The following TWSG1 variants were observed in gnomAD, a reference collection of about 807,000 sequenced individuals.
TWSG1 encodes the protein twisted gastrulation BMP signaling modulator 1.
Under a neutral mutation model 23.0 loss-of-function variants are expected in TWSG1, and 15 were observed. The ratio of observed to expected loss-of-function variants is 0.65; its 90% confidence interval spans 0.44 to 1.00. The LOEUF is 1.00. Ranked by LOEUF, TWSG1 falls within the 50% of genes least tolerant of loss-of-function variation. The pLI is 0.00. For missense variants in TWSG1, 242 were observed against 278.7 expected (o/e 0.87, Z 0.94); for synonymous variants, 86 against 92.8 (o/e 0.93, Z 0.42).
chr18:9,339,597 G>A (rs749166876), intron 2 of TWSG1, among the ~76,000 whole-genome samples: 1 of 152,010 alleles, frequency 6.6e-6, no homozygotes, highest in Non-Finnish European at 1.5e-5. Context: ...TGGGATTACA[G>A]GTGTGAGTCA....
At chr18:9,362,822 A>T (rs1444675248) in intron 3 of TWSG1, among the ~76,000 whole-genome samples, 1 of 152,212 alleles carries the variant, frequency 6.6e-6, no homozygotes, top group African/African-American at 2.4e-5. Flanking sequence ...TTTTAAAAAA[A>T]GCTTATTTAC....
At chr18:9,362,033 G>A (rs2040555011) in intron 3 of TWSG1, among the ~76,000 whole-genome samples, 1 of 152,106 alleles carries the variant, frequency 6.6e-6, no homozygotes, top group South Asian at 2.1e-4. Context: ...TTAGTGTTTT[G>A]TAGTGAATTC....
intron 3 of TWSG1, among the ~76,000 whole-genome samples, chr18:9,380,504 C>G (rs1377049778): frequency 6.6e-6 from 1 of 152,228 alleles, no homozygotes; most frequent in Admixed American, 6.5e-5. Flanking sequence ...TAGCTTTCAT[C>G]TGTAGCCATG....
intron 4 of TWSG1, chr18:9,396,901 ATACAAAAAT>A (rs2145637250): frequency 3.6e-6 from 1 of 280,688 alleles, no homozygotes; most frequent in Non-Finnish European, 6.6e-6. Context: ...TCTACTAAGA[ATACAAAAAT>A]TAGCCGGGTG....
intron 2 of TWSG1, among the ~76,000 whole-genome samples, chr18:9,347,692 C>T (rs1216795215): frequency 1.3e-5 from 2 of 152,098 alleles, no homozygotes; most frequent in African/African-American, 4.8e-5. Context: ...CCTTCTTACT[C>T]TATATTCTGG....
At chr18:9,367,597 C>T (rs1048656485) in intron 3 of TWSG1, among the ~76,000 whole-genome samples, 6 of 152,144 alleles carry the variant, frequency 3.9e-5, no homozygotes, top group Non-Finnish European at 5.9e-5. Context: ...ACCAGGCAAG[C>T]GAGCGTCACC....
chr18:9,364,009 G>C (rs1440456689), intron 3 of TWSG1, among the ~76,000 whole-genome samples: 1 of 152,112 alleles, frequency 6.6e-6, no homozygotes, highest in African/African-American at 2.4e-5. Flanking sequence ...GTTTTTTACA[G>C]TTGTTTTACT....
At chr18:9,348,450 C>A (rs1444475805) in intron 2 of TWSG1, among the ~76,000 whole-genome samples, 1 of 152,116 alleles carries the variant, frequency 6.6e-6, no homozygotes, top group African/African-American at 2.4e-5. Flanking sequence ...TCAGGAGATC[C>A]CCAAGGTTAT....
chr18:9,374,578 A>G (rs984101259), intron 3 of TWSG1, among the ~76,000 whole-genome samples: 1 of 152,254 alleles, frequency 6.6e-6, no homozygotes, highest in Non-Finnish European at 1.5e-5. Flanking sequence ...CAATGGGTTT[A>G]CTGGTAAATT....
intron 2 of TWSG1, among the ~76,000 whole-genome samples, chr18:9,340,322 C>G (rs2145590372): frequency 7.9e-6 from 1 of 126,354 alleles, no homozygotes; most frequent in Non-Finnish European, 1.6e-5. Context: ...GAGCCAAGAT[C>G]ATGCCACTGC....
intron 3 of TWSG1, among the ~76,000 whole-genome samples, chr18:9,382,533 G>C (rs4798801): frequency 0.35 from 52,545 of 149,910 alleles, 9,305 homozygotes; most frequent in South Asian, 0.39. Context: ...AAAAAAAAAG[G>C]CTGGGTGCGG....
intron 3 of TWSG1, among the ~76,000 whole-genome samples, chr18:9,370,146 C>T (rs1185273840): frequency 6.6e-6 from 1 of 151,932 alleles, no homozygotes; most frequent in African/African-American, 2.4e-5. Flanking sequence ...GGTGAAACCC[C>T]GTCCCTACTA....
At chr18:9,354,373 T>C (rs527295643) in intron 2 of TWSG1, among the ~76,000 whole-genome samples, 8 of 152,322 alleles carry the variant, frequency 5.3e-5, no homozygotes, top group African/African-American at 1.4e-4. Context: ...AGTCAGTCTT[T>C]ATTTTGGACT....
intron 3 of TWSG1, among the ~76,000 whole-genome samples, chr18:9,368,907 A>G (rs887414021): frequency 6.6e-6 from 1 of 151,754 alleles, no homozygotes; most frequent in Non-Finnish European, 1.5e-5. Context: ...GAGATCATGC[A>G]ACTGCACTCC....
chr18:9,348,135 G>C (rs1256183106), intron 2 of TWSG1, among the ~76,000 whole-genome samples: 2 of 152,172 alleles, frequency 1.3e-5, no homozygotes, highest in East Asian at 1.9e-4. Flanking sequence ...CTTGATGCTG[G>C]AATGTGTTCT....
At chr18:9,337,081 A>G in intron 1 of TWSG1, 112 bp from the exon 2 acceptor site, 1 of 992,498 alleles carries the variant, frequency 1.0e-6, no homozygotes, top group Admixed American at 2.3e-5. Context: ...AAAAGAAAGA[A>G]AAAGTATATT....
At chr18:9,364,858 C>G (rs1319673657) in intron 3 of TWSG1, among the ~76,000 whole-genome samples, 1 of 151,998 alleles carries the variant, frequency 6.6e-6, no homozygotes, top group Non-Finnish European at 1.5e-5. Context: ...ATCATTACTT[C>G]TGCAGTTATT....
chr18:9,386,163 CAAAA>C (rs879389343), intron 3 of TWSG1, among the ~76,000 whole-genome samples: 2 of 128,876 alleles, frequency 1.6e-5, no homozygotes, highest in African/African-American at 5.8e-5. Flanking sequence ...GAATCTGTCT[CAAAA>C]AAAAAAAAGA....
At chr18:9,398,300 A>C (rs1454969963) in intron 4 of TWSG1, among the ~76,000 whole-genome samples, 41 of 152,216 alleles carry the variant, frequency 2.7e-4, no homozygotes, top group Admixed American at 2.7e-3. Context: ...AAATTTATGA[A>C]GCAATTAGCA....
Sources: allele counts gnomAD v4.1 joint callset (sites outside exome capture counted in the v4.1 genomes callset), GRCh38; gene constraint gnomAD v4.1.1; transcripts MANE v1.5; gene names NCBI Gene and HGNC (gene_info 2026-07-23, HGNC 2026-07-21).